The following TMEM245 variants were observed in gnomAD, a reference collection of about 807,000 sequenced individuals.
TMEM245 encodes protein CG-2.
TMEM245 carries 69 observed loss-of-function variants against 101.2 expected under a neutral mutation model. The observed-to-expected ratio is 0.68, with a 90% CI of 0.56 to 0.83. The LOEUF is 0.83. Among genes scored for constraint, TMEM245 ranks in the 40% least tolerant of loss-of-function variants. The pLI is 0.00. For missense variants in TMEM245, 1,075 were observed against 1,092.8 expected (o/e 0.98, Z 0.23); for synonymous variants, 537 against 449.8 (o/e 1.19, Z -2.45).
chr9:109,084,076 C>G (rs1264286883), intron 7 of TMEM245, among the ~76,000 whole-genome samples: 1 of 109,060 alleles, frequency 9.2e-6, no homozygotes, highest in Non-Finnish European at 1.9e-5. Context: ...GAGATCCTGT[C>G]TCAAATTTAA....
intron 12 of TMEM245, among the ~76,000 whole-genome samples, 170 bp from the exon 13 acceptor site, chr9:109,050,862 G>A (rs927648656): frequency 1.3e-5 from 2 of 149,864 alleles, no homozygotes; most frequent in African/African-American, 2.5e-5. Context: ...ACCAAAAACA[G>A]TTGTATACTC....
chr9:109,016,514 T>A lies in TMEM245; in HGVS notation c.*3946A>T, dbSNP rs1006937910. 9.9e-5 allele frequency: 15 copies of A among 152,084 alleles called. No homozygotes were observed. The highest frequency in any genetic ancestry group is 3.6e-4 in the African/African-American group (15 of 41,470). 9.4% of individuals were successfully genotyped at this position (152,084 alleles called of 1,614,324 possible). On this transcript the variant is annotated 3_prime_UTR_variant, in exon 18 of 18. Coordinates refer to ENST00000374586, the MANE Select transcript of TMEM245 (RefSeq NM_032012.4). ...CCACTTAAACCTATGAATTTGGGTC[T>A]TTCTCTAGAAAGTGACAGGACCACC...
In TMEM245 at chr9:109,050,596, C is replaced by T. The variant is rs1037940776; in HGVS notation, c.1951G>A (p.Ala651Thr). Residue 651 changes from alanine (A) to threonine (T), a missense_variant, in exon 13 of 18, where the codon GCC (alanine) becomes ACC (threonine). By Grantham distance (58) the Ala-to-Thr change is moderately conservative. Transcript: ENST00000374586. Reference sequence around the variant, plus strand: ...AGAGAGAGTACAAAATTGAGAAGGGCTGTCCCGCTGTAGAAGAGGATGGTC... The same window carrying T: ...AGAGAGAGTACAAAATTGAGAAGGGTTGTCCCGCTGTAGAAGAGGATGGTC... ...LLTILFYSGT[A>T]LLNFVLSLII... The T allele has an allele frequency of 5.0e-6, 8 of 1,613,636 alleles. No individual in the cohort carries two copies. The highest frequency in any genetic ancestry group is 6.8e-6 in the Non-Finnish European group (8 of 1,179,956).
intron 3 of TMEM245, among the ~76,000 whole-genome samples, chr9:109,101,656 C>G (rs1467962291): frequency 6.6e-6 from 1 of 152,154 alleles, no homozygotes; most frequent in Non-Finnish European, 1.5e-5. Flanking sequence ...GAAAGTTAAA[C>G]AAAATAAATA....
chr9:109,063,462 A>C (rs1048054119), intron 10 of TMEM245, among the ~76,000 whole-genome samples: 1 of 152,094 alleles, frequency 6.6e-6, no homozygotes, highest in Admixed American at 6.6e-5. Flanking sequence ...CCATTATATT[A>C]TTTTTTTAGA....
chr9:109,052,109 T>G (rs1341683310), intron 12 of TMEM245, among the ~76,000 whole-genome samples: 1 of 151,622 alleles, frequency 6.6e-6, no homozygotes, highest in Non-Finnish European at 1.5e-5. Context: ...TACCTGCACA[T>G]TTCATTTACT....
chr9:109,104,835 A>G (rs1830368130), intron 3 of TMEM245, among the ~76,000 whole-genome samples: 1 of 152,214 alleles, frequency 6.6e-6, no homozygotes, highest in African/African-American at 2.4e-5. Flanking sequence ...TTGGATCCTT[A>G]CCTCACATCA....
At chr9:109,047,871 T>C (rs991642670) in intron 14 of TMEM245, among the ~76,000 whole-genome samples, 2 of 152,196 alleles carry the variant, frequency 1.3e-5, no homozygotes, top group Non-Finnish European at 2.9e-5. Context: ...CTACAATAAA[T>C]AGCTTTACCC....
intron 14 of TMEM245, 66 bp downstream of exon 14, chr9:109,050,217 A>T (rs1180752182): frequency 6.3e-7 from 1 of 1,586,968 alleles, no homozygotes; most frequent in Admixed American, 1.8e-5. Flanking sequence ...GCTCATGACA[A>T]AAAACAGGCT....
At chr9:109,065,204 G>A (rs1829131103) in intron 9 of TMEM245, among the ~76,000 whole-genome samples, 1 of 152,282 alleles carries the variant, frequency 6.6e-6, no homozygotes, top group Middle Eastern at 3.4e-3. Context: ...CAAAGAAAAT[G>A]GTTCTGGGAG....
At chr9:109,093,712 T>A in intron 3 of TMEM245, 121 bp from the exon 4 acceptor site, 1 of 790,222 alleles carries the variant, frequency 1.3e-6, no homozygotes, top group Non-Finnish European at 2.2e-6. Flanking sequence ...ACCCACTGAA[T>A]AAGTGGTTCT....
chr9:109,021,061 C>T (rs1485482114), intron 17 of TMEM245, among the ~76,000 whole-genome samples: 1 of 152,208 alleles, frequency 6.6e-6, no homozygotes, highest in Non-Finnish European at 1.5e-5. Context: ...CCACATTAAA[C>T]AAGCTAAGCG....
At chr9:109,102,227 C>T (rs1830299361) in intron 3 of TMEM245, among the ~76,000 whole-genome samples, 1 of 151,954 alleles carries the variant, frequency 6.6e-6, no homozygotes, top group African/African-American at 2.4e-5. Flanking sequence ...ACAGGCTGAA[C>T]AAAGAAAACT....
chr9:109,080,765 G>A (rs761106113), intron 8 of TMEM245, 74 bp downstream of exon 8: 211 of 916,592 alleles, frequency 2.3e-4, no homozygotes, highest in Non-Finnish European at 3.2e-4. Flanking sequence ...TGCCCCTTCT[G>A]CTAGCTTTTA....
chr9:109,080,803 G>C (rs756815238), intron 8 of TMEM245, 36 bp downstream of exon 8: 1 of 1,254,068 alleles, frequency 8.0e-7, no homozygotes, highest in South Asian at 1.3e-5. Flanking sequence ...AACAATTAAG[G>C]GTTTATTAAT....
chr9:109,018,617 T>C lies in TMEM245; in HGVS notation c.*1843A>G, dbSNP rs575797695. The C allele has an allele frequency of 1.3e-5, 2 of 152,318 alleles. No homozygotes were observed. The highest frequency in any genetic ancestry group is 2.1e-4 in the South Asian group (1 of 4,824). The allele number at this position is 152,318 out of a possible 1,614,324, so 9.4% of individuals were successfully genotyped here. On this transcript the variant is annotated 3_prime_UTR_variant, in exon 18 of 18. Coordinates refer to ENST00000374586, the MANE Select transcript of TMEM245 (RefSeq NM_032012.4). ...TTCTTAAGTAGTGTAAGAATAAATT[T>C]AAACTAATTATAATTATCAGTGACT...
intron 7 of TMEM245, among the ~76,000 whole-genome samples, chr9:109,083,548 A>G (rs1564197043): frequency 6.6e-6 from 1 of 152,158 alleles, no homozygotes; most frequent in Non-Finnish European, 1.5e-5. Flanking sequence ...AAGGGCATGC[A>G]TTTTTTAAAT....
chr9:109,059,911 A>G (rs562796990), intron 11 of TMEM245, among the ~76,000 whole-genome samples: 6 of 114,036 alleles, frequency 5.3e-5, no homozygotes, highest in East Asian at 3.9e-4. Context: ...AGACATATGG[A>G]AAAAAAATGA....
intron 8 of TMEM245, among the ~76,000 whole-genome samples, chr9:109,078,204 T>C (rs1829569737): frequency 6.6e-6 from 1 of 152,220 alleles, no homozygotes; most frequent in African/African-American, 2.4e-5. Context: ...GCCCTCTTCT[T>C]TGTGCTATGG....
Sources: allele counts gnomAD v4.1 joint callset (sites outside exome capture counted in the v4.1 genomes callset), GRCh38; gene constraint gnomAD v4.1.1; transcripts MANE v1.5; gene names NCBI Gene and HGNC (gene_info 2026-07-23, HGNC 2026-07-21).